Variants in KCTD17 observed in about 807,000 individuals in gnomAD.
The protein encoded by KCTD17 is potassium channel tetramerization domain containing 17.
KCTD17 carries 20 observed loss-of-function variants against 41.5 expected under a neutral mutation model. The ratio of observed to expected loss-of-function variants is 0.48; its 90% confidence interval spans 0.34 to 0.70. The LOEUF is 0.70. Ranked by LOEUF, KCTD17 falls within the 30% of genes least tolerant of loss-of-function variation. KCTD17 has a pLI of 0.01. For synonymous variants in KCTD17, 156 were observed against 173.8 expected, an observed-to-expected ratio of 0.90 and a Z score of 0.80; for missense variants, 317 against 427.2, an observed-to-expected ratio of 0.74 and a Z score of 2.27.
In KCTD17 at chr22:37,052,025, C is replaced by T. The variant is rs2145950033; in HGVS notation, c.189+76C>T. 11 of 1,270,636 alleles carry T rather than the reference C, an allele frequency of 8.7e-6. No individual in the cohort carries two copies. The East Asian group carries it at 2.6e-4, about 30-fold the overall frequency. 78.7% of individuals were successfully genotyped at this position (1,270,636 alleles called of 1,614,324 possible). The stretch of plus-strand genomic sequence containing the variant: ...CGACGCGGGGCTGTCGGGCCTGGCT[C>T]GCCCGCCAGGCTGGGGACCCGGCCG... On this transcript the variant is annotated intron_variant, in intron 1 of 8. Transcript: ENST00000403888.
rs1264131629 is a variant in KCTD17 at position 37,053,066 on chromosome 22, C to T, written c.190-34C>T. ...CGGGGTTGGCTGGGGAGAAGCCTCA[C>T]TCTTCTCTCACCGAGCATCCCTCAC... On this transcript the variant is annotated intron_variant, in intron 1 of 8. Transcript: ENST00000403888. The surrounding 1 kb of genome is among the most constrained non-coding windows in gnomAD (Gnocchi z 4.1). 6.7e-7 allele frequency: 1 copy of T among 1,495,732 alleles called. No individual in the cohort carries two copies. Among genetic ancestry groups the T allele is most frequent in the South Asian group, 1.2e-5 (1 of 83,064 alleles). The allele number at this position is 1,495,732 out of a possible 1,614,324, so 92.7% of individuals were successfully genotyped here.
chr22:37,062,102 C>T (rs1021968526), intron 8 of KCTD17: 3 of 982,364 alleles, frequency 3.1e-6, no homozygotes, highest in Admixed American at 6.1e-5. Flanking sequence ...GTCACTGTCC[C>T]TCTCTGGGCC....
chr22:37,051,775 CG>C lies in KCTD17; in HGVS notation c.19del (p.Glu7ArgfsTer30). ...CGCGGCCGGCGATGAGGATGGAGGCCGGGGAGGCAGCGCCGCCGGCGGGGGC... is the reference window on the plus strand; with the variant it reads ...CGCGGCCGGCGATGAGGATGGAGGCCGGGAGGCAGCGCCGCCGGCGGGGGC... MRMEA[G>X]EAAPPAGAGG... On this transcript the variant is annotated frameshift_variant, in exon 1 of 9. Transcript: ENST00000403888. LOFTEE classifies it high-confidence loss of function. 1 of 1,245,800 alleles carries C rather than the reference CG, an allele frequency of 8.0e-7. No individual in the cohort carries two copies. Among genetic ancestry groups the C allele is most frequent in the Non-Finnish European group, 1.0e-6 (1 of 996,610 alleles). The allele number at this position is 1,245,800 out of a possible 1,614,324, so 77.2% of individuals were successfully genotyped here. A position where few individuals can be genotyped will look rare whatever the true frequency, so the allele number is the denominator to read the frequency against.
At position 37,060,843 on chromosome 22, in the gene KCTD17, G is replaced by A; in HGVS notation, c.633G>A (p.Glu211=). 6.6e-7 allele frequency: 1 copy of A among 1,521,216 alleles called. No homozygotes were observed. Among genetic ancestry groups the A allele is most frequent in the Non-Finnish European group, 8.8e-7 (1 of 1,133,130 alleles). 94.2% of individuals were successfully genotyped at this position (1,521,216 alleles called of 1,614,324 possible). ...RKTKSTEEQL[E]EQQQQEEEVE... is the part of the protein sequence containing the mutation. ...CACAGAGCACGGAGGAGCAGCTGGAGGAGCAGCAGCAGCAGGAGGAGGAGG... is the reference window on the plus strand; with the variant it reads ...CACAGAGCACGGAGGAGCAGCTGGAAGAGCAGCAGCAGCAGGAGGAGGAGG... Residue 211 remains glutamate, a synonymous_variant, in exon 6 of 9, where the codon GAG becomes GAA. Coordinates refer to ENST00000403888, the MANE Select transcript of KCTD17 (RefSeq NM_001282684.2).
intron 1 of KCTD17, chr22:37,052,658 G>T (rs1419946438): frequency 2.1e-6 from 1 of 470,648 alleles, no homozygotes. Context: ...AGCCCACCCT[G>T]CCTCCCTGCC....
chr22:37,061,759 T>TG lies in KCTD17; in HGVS notation c.875+135dup. The TG allele has an allele frequency of 6.9e-7, 1 of 1,448,098 alleles. No individual in the cohort carries two copies. The highest frequency in any genetic ancestry group is 9.1e-7 in the Non-Finnish European group (1 of 1,094,914). 89.7% of individuals were successfully genotyped at this position (1,448,098 alleles called of 1,614,324 possible). ...AAAGTTTCTCATCCGACCTTGGCCTTGGGGGTGAGGCTCTGAGAGGAGAAG... is the reference window on the plus strand; with the variant it reads ...AAAGTTTCTCATCCGACCTTGGCCTTGGGGGGTGAGGCTCTGAGAGGAGAAG... On this transcript the variant is annotated intron_variant, in intron 8 of 8. Transcript: ENST00000403888. The surrounding 1 kb of genome is among the most constrained non-coding windows in gnomAD (Gnocchi z 6.6).
Position 37,053,073 on chromosome 22 carries a change from C to T in KCTD17, c.190-27C>T, listed in dbSNP as rs748353168. 1.1e-4 allele frequency: 162 copies of T among 1,535,426 alleles called. No homozygotes were observed. The highest frequency in any genetic ancestry group is 1.2e-4 in the Non-Finnish European group (139 of 1,129,264). Reference sequence around the variant, plus strand: ...GGCTGGGGAGAAGCCTCACTCTTCTCTCACCGAGCATCCCTCACCTCCATA... The same window carrying T: ...GGCTGGGGAGAAGCCTCACTCTTCTTTCACCGAGCATCCCTCACCTCCATA... On this transcript the variant is annotated intron_variant, in intron 1 of 8. Coordinates refer to ENST00000403888, the MANE Select transcript of KCTD17 (RefSeq NM_001282684.2). The surrounding 1 kb of genome is among the most constrained non-coding windows in gnomAD (Gnocchi z 4.1).
intron 2 of KCTD17, among the ~76,000 whole-genome samples, chr22:37,054,696 T>C (rs189927842): frequency 4.1e-4 from 62 of 152,190 alleles, no homozygotes; most frequent in Non-Finnish European, 6.3e-4. Context: ...TAAAAGGAGT[T>C]AATAGTGCAG....
intron 2 of KCTD17, among the ~76,000 whole-genome samples, chr22:37,055,583 G>A (rs117888732): frequency 1.3e-4 from 20 of 152,318 alleles, no homozygotes; most frequent in East Asian, 5.8e-4. Flanking sequence ...CAAGCTCATC[G>A]CTTCACTGGT....
chr22:37,059,218 C>A, intron 4 of KCTD17, 95 bp from the exon 5 acceptor site: 1 of 1,542,660 alleles, frequency 6.5e-7, no homozygotes, highest in Non-Finnish European at 8.9e-7. Flanking sequence ...AGGACCTGAG[C>A]TGGTATCTTG....
At position 37,059,747 on chromosome 22, in the gene KCTD17, ACT is replaced by A. The variant is rs1170203970; in HGVS notation, c.612+314_612+315del. Among the ~76,000 whole-genome samples, 3 of 152,100 alleles carry A rather than the reference ACT, an allele frequency of 2.0e-5. No homozygotes were observed. In the East Asian group the frequency reaches 5.8e-4, roughly 29 times the overall value. The stretch of plus-strand genomic sequence containing the variant: ...ACTAGGGGTCAGGGCACAGTGTGGC[ACT>A]CTCTGTGTGACTTAGGACAGGGCTT... On this transcript the variant is annotated intron_variant, in intron 5 of 8. Transcript: ENST00000403888.
At chr22:37,057,046 A>C (rs1374866255) in intron 3 of KCTD17, among the ~76,000 whole-genome samples, 3 of 152,028 alleles carry the variant, frequency 2.0e-5, no homozygotes, top group Non-Finnish European at 4.4e-5. Context: ...GGTGACCCAG[A>C]ATGTTCCCTA....
Position 37,053,041 on chromosome 22 carries a change from C to A in KCTD17, c.190-59C>A. ...CTCTCCTTCCCTCCCTGTGCGTGTG[C>A]GGGGTTGGCTGGGGAGAAGCCTCAC... On this transcript the variant is annotated intron_variant, in intron 1 of 8. Transcript: ENST00000403888. The surrounding 1 kb of genome is among the most constrained non-coding windows in gnomAD (Gnocchi z 4.1). 1 of 1,342,086 alleles carries A rather than the reference C, an allele frequency of 7.5e-7. No individual in the cohort carries two copies. Among genetic ancestry groups the A allele is most frequent in the Non-Finnish European group, 1.0e-6 (1 of 957,364 alleles). 83.1% of individuals were successfully genotyped at this position (1,342,086 alleles called of 1,614,324 possible).
At chr22:37,058,661 ACTTT>A (rs1176555254) in intron 4 of KCTD17, among the ~76,000 whole-genome samples, 1 of 152,174 alleles carries the variant, frequency 6.6e-6, no homozygotes, top group Admixed American at 6.5e-5. Context: ...ACCTGGAAGA[ACTTT>A]CTTATTTCTT....
rs1295996328 is a variant in KCTD17, at chr22:37,053,231, C to T, written c.298+23C>T. 6.4e-7 allele frequency: 1 copy of T among 1,554,662 alleles called. No homozygotes were observed. Among genetic ancestry groups the T allele is most frequent in the Non-Finnish European group, 8.8e-7 (1 of 1,141,966 alleles). ...AGGGTGAGTTGGTCCAGGGGGCTGG[C>T]CTGGACCTTATGCAGCCTGCCAGGG... On this transcript the variant is annotated intron_variant, in intron 2 of 8. Transcript: ENST00000403888. The surrounding 1 kb of genome is among the most constrained non-coding windows in gnomAD (Gnocchi z 4.1).
In KCTD17 at chr22:37,061,425, G is replaced by A; in HGVS notation, c.785-114G>A. ...CAGCCTGGGGAGGAGGGGCGCAGCT[G>A]CACCTCCTCTGTGCCCACTAACCCT... On this transcript the variant is annotated intron_variant, in intron 7 of 8. Transcript: ENST00000403888. The surrounding 1 kb of genome is among the most constrained non-coding windows in gnomAD (Gnocchi z 6.6). 4 of 1,483,774 alleles carry A rather than the reference G, an allele frequency of 2.7e-6. No individual in the cohort carries two copies. The highest frequency in any genetic ancestry group is 3.6e-6 in the Non-Finnish European group (4 of 1,117,408). 91.9% of individuals were successfully genotyped at this position (1,483,774 alleles called of 1,614,324 possible). A position where few individuals can be genotyped will look rare whatever the true frequency, so the allele number is the denominator to read the frequency against.
chr22:37,059,647 C>A, intron 5 of KCTD17: 1 of 635,842 alleles, frequency 1.6e-6, no homozygotes. Context: ...GAGAGCATCC[C>A]CAGGGTGCAG....
In KCTD17 at chr22:37,057,567, C is replaced by G; in HGVS notation, c.486+74C>G. 3 of 1,167,794 alleles carry G rather than the reference C, an allele frequency of 2.6e-6. No homozygotes were observed. In the Admixed American group the frequency reaches 5.7e-5, roughly 22 times the overall value. 72.3% of individuals were successfully genotyped at this position (1,167,794 alleles called of 1,614,324 possible). On this transcript the variant is annotated intron_variant, in intron 4 of 8. Transcript: ENST00000403888. Reference sequence around the variant, plus strand: ...AGCCTCTGACCAAGCAGGCCCCTCCCTTCCTGCAGCCCCAGCCTTGGGTTC... The same window carrying G: ...AGCCTCTGACCAAGCAGGCCCCTCCGTTCCTGCAGCCCCAGCCTTGGGTTC...
In KCTD17 at chr22:37,061,764, G is replaced by T. The variant is rs1163036832; in HGVS notation, c.875+135G>T. ...TTCTCATCCGACCTTGGCCTTGGGGGTGAGGCTCTGAGAGGAGAAGAAAGT... is the reference window on the plus strand; with the variant it reads ...TTCTCATCCGACCTTGGCCTTGGGGTTGAGGCTCTGAGAGGAGAAGAAAGT... On this transcript the variant is annotated intron_variant, in intron 8 of 8. Transcript: ENST00000403888. This position sits in a 1 kb window ranked among gnomAD's most constrained non-coding sequence, Gnocchi z 6.6. The T allele has an allele frequency of 6.9e-7, 1 of 1,446,552 alleles. No individual in the cohort carries two copies. Among genetic ancestry groups the T allele is most frequent in the Non-Finnish European group, 9.1e-7 (1 of 1,094,650 alleles). The allele number at this position is 1,446,552 out of a possible 1,614,324, so 89.6% of individuals were successfully genotyped here.
Sources: gnomAD v4.1 joint callset for allele counts (sites outside exome capture counted in the v4.1 genomes callset) on GRCh38, gnomAD v4.1.1 for gene constraint, Gnocchi (gnomAD v3.1) non-coding constraint, MANE v1.5 for transcripts, NCBI Gene and HGNC (gene_info 2026-07-23, HGNC 2026-07-21) for gene names.